The following PCNX1 variants were observed in gnomAD, a reference collection of about 807,000 sequenced individuals.
PCNX1 encodes pecanex 1.
Under a neutral mutation model 242.2 loss-of-function variants are expected in PCNX1, and 78 were observed. The ratio of observed to expected loss-of-function variants is 0.32; its 90% CI spans 0.27 to 0.39. The LOEUF is 0.39. PCNX1 is among the 10% of genes least tolerant of loss of function. The pLI is 1.00. For missense variants in PCNX1, 2,581 were observed against 2,856.5 expected (o/e 0.90, Z 2.20); for synonymous variants, 1,024 against 1,032.9 (o/e 0.99, Z 0.17).
chr14:70,929,023 A>G (rs1232926758), intron 1 of PCNX1, among the ~76,000 whole-genome samples: 1 of 152,170 alleles, frequency 6.6e-6, no homozygotes, highest in African/African-American at 2.4e-5. Context: ...TTCTATCTAT[A>G]AAGTTTAGAT....
At chr14:71,005,203 G>A (rs2059618535) in intron 8 of PCNX1, among the ~76,000 whole-genome samples, 2 of 152,094 alleles carry the variant, frequency 1.3e-5, no homozygotes, top group Non-Finnish European at 1.5e-5. Context: ...AAAAATGAGT[G>A]ATGTCAAGAA....
intron 5 of PCNX1, among the ~76,000 whole-genome samples, chr14:70,971,129 T>C: frequency 1.2e-4 from 1 of 8,538 alleles, no homozygotes; most frequent in Non-Finnish European, 2.3e-4. Context: ...TTTTTTTTTT[T>C]TTTTTTTTTT....
At chr14:70,946,599 C>CT (rs2057465625) in intron 1 of PCNX1, among the ~76,000 whole-genome samples, 1 of 152,156 alleles carries the variant, frequency 6.6e-6, no homozygotes, top group Non-Finnish European at 1.5e-5. Context: ...CCAGTATAAT[C>CT]TAAGTATTAT....
At position 70,907,501 on chromosome 14, in the gene PCNX1, G is replaced by A; in HGVS notation, c.-350G>A. On this transcript the variant is annotated 5_prime_UTR_variant, in exon 1 of 36. Transcript: ENST00000304743. ...CCAGGGCTGGCGGCCGGCGGGGGTC[G>A]CGGCGGCGGCAGTGGGGGCGCTGGC... 1 of 152,292 alleles carries A rather than the reference G, an allele frequency of 6.6e-6. No homozygotes were observed. The highest frequency in any genetic ancestry group is 1.5e-5 in the Non-Finnish European group (1 of 68,184). 9.4% of individuals were successfully genotyped at this position (152,292 alleles called of 1,614,324 possible). A position where few individuals can be genotyped will look rare whatever the true frequency, so the allele number is the denominator to read the frequency against.
chr14:70,988,446 C>A, intron 6 of PCNX1, 121 bp from the exon 7 acceptor site: 1 of 893,874 alleles, frequency 1.1e-6, no homozygotes, highest in Non-Finnish European at 1.7e-6. Flanking sequence ...CATGTGAAAA[C>A]AGTTTGGATT....
chr14:70,995,832 G>A lies in PCNX1; in HGVS notation c.2536G>A (p.Ala846Thr). ...CCAGGCTGCAGTGCTCAGTGCTAGT[G>A]CCTCCTTGCTGGTGAGAAATGGGAG... ...PSQAAVLSASASLLVRNGSVH... is the reference protein window; with the variant it reads ...PSQAAVLSASTSLLVRNGSVH... Residue 846 changes from alanine (A) to threonine (T), a missense_variant, in exon 8 of 36, where the codon GCC becomes ACC. Ala to Thr is a moderately conservative substitution (Grantham distance 58). Around this residue, in one of 9 missense-constraint regions of PCNX1, gnomAD observed 1,204 missense variants for 1,216.7 expected, o/e 0.99. Transcript: ENST00000304743. The A allele has an allele frequency of 1.2e-6, 2 of 1,613,818 alleles. No homozygotes were observed. The highest frequency in any genetic ancestry group is 1.7e-6 in the Non-Finnish European group (2 of 1,179,786).
rs931787869 is a variant in PCNX1, at chr14:70,931,615, A to G, written c.154-15300A>G. ...GCTAATTTTTGTTTTCATCTGCCAG[A>G]TTTTTTTGGTATTATTTAATTTTTA... On this transcript the variant is annotated intron_variant, in intron 1 of 35. Coordinates refer to ENST00000304743, the MANE Select transcript of PCNX1 (RefSeq NM_014982.3). 3.9e-5 allele frequency among the ~76,000 whole-genome samples: 6 copies of G among 152,156 alleles called. No individual in the cohort carries two copies. In the South Asian group the frequency reaches 1.2e-3, roughly 32 times the overall value.
At position 70,988,648 on chromosome 14, in the gene PCNX1, A is replaced by G. The variant is rs770045381; in HGVS notation, c.2393A>G (p.Asn798Ser). 1.2e-6 allele frequency: 2 copies of G among 1,613,960 alleles called. No individual in the cohort carries two copies. The highest frequency in any genetic ancestry group is 2.2e-5 in the East Asian group (1 of 44,894). ...CGCCAGGCAGTACGGCGCCGGCACA[A>G]TGCAGGGAGTAACCCTACCCCTCCT... ...FRRQAVRRRH[N>S]AGSNPTPPTL... Residue 798 changes from asparagine to serine, a missense_variant, in exon 7 of 36, where the codon AAT becomes AGT. Transcript: ENST00000304743.
intron 1 of PCNX1, among the ~76,000 whole-genome samples, chr14:70,923,789 T>G (rs1430381057): frequency 6.9e-6 from 1 of 145,890 alleles, no homozygotes; most frequent in Non-Finnish European, 1.5e-5. Flanking sequence ...AGCTGACAGA[T>G]TTTTTTTTTA....
chr14:71,039,376 A>G (rs2060641240), intron 19 of PCNX1, among the ~76,000 whole-genome samples: 1 of 152,166 alleles, frequency 6.6e-6, no homozygotes, highest in African/African-American at 2.4e-5. Context: ...TACATGCCTC[A>G]GTTCCTTCTG....
intron 1 of PCNX1, among the ~76,000 whole-genome samples, chr14:70,921,100 A>C (rs1594896743): frequency 6.6e-6 from 1 of 152,228 alleles, no homozygotes; most frequent in East Asian, 1.9e-4. Flanking sequence ...GCTTCTGAGA[A>C]TATTATTTAT....
At chr14:71,053,359 G>A (rs989168554) in intron 24 of PCNX1, 15 of 437,350 alleles carry the variant, frequency 3.4e-5, no homozygotes, top group Non-Finnish European at 5.9e-5. Context: ...TGCAACCTCC[G>A]CCTCCCGGAG....
intron 28 of PCNX1, among the ~76,000 whole-genome samples, chr14:71,085,984 C>T (rs2061979274): frequency 6.6e-6 from 1 of 152,228 alleles, no homozygotes; most frequent in East Asian, 1.9e-4. Flanking sequence ...CTACAGCTCC[C>T]TGACGCCCTG....
At chr14:70,963,316 T>C (rs983946397) in intron 3 of PCNX1, among the ~76,000 whole-genome samples, 1 of 152,224 alleles carries the variant, frequency 6.6e-6, no homozygotes, top group Non-Finnish European at 1.5e-5. Context: ...TACAAGGCTC[T>C]ACAGAGTAGA....
Position 71,073,791 on chromosome 14 carries a change from A to T in PCNX1, c.5099A>T (p.Tyr1700Phe). The part of the protein sequence containing the change: ...FDLRKVLTTY[Y>F]VKGIIYYVTT... ...CTTCGGAAAGTACTCACCACTTACT[A>T]TGTCAAGGTAGGAGTATGTGCCTAC... The change falls in exon 27 of 36, where the codon TAT (tyrosine) becomes TTT (phenylalanine). Residue 1700 changes from tyrosine to phenylalanine, a missense_variant. Transcript: ENST00000304743. The T allele has an allele frequency of 6.3e-7, 1 of 1,599,856 alleles. No individual in the cohort carries two copies. The highest frequency in any genetic ancestry group is 8.5e-7 in the Non-Finnish European group (1 of 1,170,220).
intron 30 of PCNX1, among the ~76,000 whole-genome samples, chr14:71,098,549 T>TGA (rs1262195701): frequency 3.9e-3 from 493 of 128,014 alleles, no homozygotes; most frequent in Non-Finnish European, 5.5e-3. Context: ...TGTGTGTGTG[T>TGA]GTGTGAGAGA....
chr14:71,096,021 T>A (rs2062268432), intron 30 of PCNX1, among the ~76,000 whole-genome samples: 1 of 151,964 alleles, frequency 6.6e-6, no homozygotes, highest in South Asian at 2.1e-4. Flanking sequence ...ACAAAAAATT[T>A]TTTAAAACAT....
chr14:70,956,657 G>A (rs190240365), intron 2 of PCNX1, among the ~76,000 whole-genome samples: 4 of 152,056 alleles, frequency 2.6e-5, no homozygotes, highest in Non-Finnish European at 4.4e-5. Context: ...GGCCATGCTG[G>A]TTATGAGTAC....
At chr14:70,963,554 A>G (rs1334362022) in intron 3 of PCNX1, among the ~76,000 whole-genome samples, 5 of 152,206 alleles carry the variant, frequency 3.3e-5, no homozygotes, top group Admixed American at 6.5e-5. Flanking sequence ...TATGAAAAAC[A>G]CTATATGAAT....
Sources: allele counts gnomAD v4.1 joint callset (sites outside exome capture counted in the v4.1 genomes callset), GRCh38; gene constraint gnomAD v4.1.1; regional missense constraint gnomAD v4.1.1; transcripts MANE v1.5; gene names NCBI Gene and HGNC (gene_info 2026-07-23, HGNC 2026-07-21).